Variants in PRDM16 observed in about 807,000 individuals in gnomAD.
The protein encoded by PRDM16 is PR/SET domain 16, also known as histone-lysine N-methyltransferase PRDM16.
PRDM16 carries 23 observed loss-of-function variants against 110.6 expected under a neutral mutation model. The observed-to-expected ratio is 0.21, with a 90% CI of 0.15 to 0.29. The LOEUF (loss-of-function observed/expected upper bound fraction) is 0.29, where lower values mean the gene tolerates loss of function less well. Among genes scored for constraint, PRDM16 ranks in the 10% least tolerant of loss-of-function variants. PRDM16 has a pLI of 1.00. For missense variants in PRDM16, 1,615 were observed against 1,794.3 expected (o/e 0.90, Z 1.81); for synonymous variants, 799 against 781.8 (o/e 1.02, Z -0.37).
intron 1 of PRDM16, among the ~76,000 whole-genome samples, chr1:3,141,087 G>A (rs1356907930): frequency 1.3e-5 from 2 of 152,076 alleles, no homozygotes; most frequent in African/African-American, 4.8e-5. Flanking sequence ...AGAACTCTGG[G>A]GGAAAACACT....
Position 3,137,800 on chromosome 1 carries a change from C to T in PRDM16, c.38-48325C>T, listed in dbSNP as rs1185564611. 4.6e-5 allele frequency among the ~76,000 whole-genome samples: 7 copies of T among 152,366 alleles called. No homozygotes were observed. In the East Asian group the frequency reaches 7.7e-4, roughly 17 times the overall value. On this transcript the variant is annotated intron_variant, in intron 1 of 16. Coordinates refer to ENST00000270722, the MANE Select transcript of PRDM16 (RefSeq NM_022114.4). ...GGAGCGCACTGCAAGCTGGAGGGGC[C>T]GCAGCACCTGCGGCTGGGACCTCGC...
intron 1 of PRDM16, among the ~76,000 whole-genome samples, chr1:3,185,557 C>T (rs1644257708): frequency 1.3e-5 from 2 of 152,166 alleles, no homozygotes; most frequent in South Asian, 4.1e-4. Flanking sequence ...GATGTCCAGG[C>T]TGCAGCCCAA....
Position 3,255,679 on chromosome 1 carries a change from A to G in PRDM16, c.438+11542A>G, listed in dbSNP as rs1640027628. ...TTGGTCCACCCTGGCGGTTGGGCCCAGTTTGTCCTGACTGCCTGCCCCCCT... is the reference window on the plus strand; with the variant it reads ...TTGGTCCACCCTGGCGGTTGGGCCCGGTTTGTCCTGACTGCCTGCCCCCCT... On this transcript the variant is annotated intron_variant, in intron 3 of 16. Coordinates refer to ENST00000270722, the MANE Select transcript of PRDM16 (RefSeq NM_022114.4). The surrounding 1 kb of genome is among the most constrained non-coding windows in gnomAD (Gnocchi z 4.7). Among the ~76,000 whole-genome samples the G allele has an allele frequency of 6.6e-6, 1 of 152,190 alleles. No homozygotes were observed. The highest frequency in any genetic ancestry group is 2.4e-5 in the African/African-American group (1 of 41,456).
At position 3,245,482 on chromosome 1, in the gene PRDM16, G is replaced by A. The variant is rs1032312097; in HGVS notation, c.438+1345G>A. Among the ~76,000 whole-genome samples the A allele has an allele frequency of 5.3e-5, 8 of 152,146 alleles. No individual in the cohort carries two copies. The highest frequency in any genetic ancestry group is 2.6e-4 in the Admixed American group (4 of 15,286). ...AATGGAGACTTTTGCTGGGCCCGCA[G>A]TGACCCGCTGAAGGGCCTCCGGAAA... On this transcript the variant is annotated intron_variant, in intron 3 of 16. Coordinates refer to ENST00000270722, the MANE Select transcript of PRDM16 (RefSeq NM_022114.4). The surrounding 1 kb of genome is among the most constrained non-coding windows in gnomAD (Gnocchi z 4.7).
chr1:3,185,702 C>T (rs1644259130), intron 1 of PRDM16, among the ~76,000 whole-genome samples: 1 of 152,228 alleles, frequency 6.6e-6, no homozygotes, highest in South Asian at 2.1e-4. Flanking sequence ...AATATTTCAC[C>T]ATCAGCCAGC....
At position 3,330,773 on chromosome 1, in the gene PRDM16, C is replaced by T. The variant is rs112890039; in HGVS notation, c.439-54379C>T. Among the ~76,000 whole-genome samples the T allele has an allele frequency of 4.0e-3, 604 of 152,302 alleles. 11 individuals carry two copies. Among genetic ancestry groups the T allele is most frequent in the African/African-American group, 0.014 (572 of 41,556 alleles). ...CACGACAGAGCCTCCTAAGCGAGGG[C>T]GAGTCAGACCCCAGAAACCTTGGAT... On this transcript the variant is annotated intron_variant, in intron 3 of 16. Transcript: ENST00000270722.
rs1324813484 is a variant in PRDM16, at chr1:3,436,658, G to A, written c.*2847G>A. 4.4e-6 allele frequency: 1 copy of A among 229,456 alleles called. No individual in the cohort carries two copies. Among genetic ancestry groups the A allele is most frequent in the Non-Finnish European group, 8.6e-6 (1 of 116,128 alleles). 14.2% of individuals were successfully genotyped at this position (229,456 alleles called of 1,614,324 possible). ...TCCCAGTTTTGCTCTGCCCAGCAGT[G>A]TTGGTGCCCAGAGATGACAAGGGCC... On this transcript the variant is annotated 3_prime_UTR_variant, in exon 17 of 17. Transcript: ENST00000270722.
intron 1 of PRDM16, among the ~76,000 whole-genome samples, chr1:3,162,350 C>T (rs762416808): frequency 1.3e-5 from 2 of 152,198 alleles, no homozygotes; most frequent in East Asian, 1.9e-4. Context: ...TCCCTCCTCC[C>T]GCAGCCGCGA....
rs974390700 is a variant in PRDM16, at chr1:3,246,681, G to A, written c.438+2544G>A. 3.3e-5 allele frequency among the ~76,000 whole-genome samples: 5 copies of A among 152,270 alleles called. No homozygotes were observed. Among genetic ancestry groups the A allele is most frequent in the South Asian group, 2.1e-4 (1 of 4,816 alleles). ...TCAACTCATAGTTTTTTCAGCCTCC[G>A]CAATAAACACCGTCAGCGTCTGGAG... On this transcript the variant is annotated intron_variant, in intron 3 of 16. Transcript: ENST00000270722. This position sits in a 1 kb window ranked among gnomAD's most constrained non-coding sequence, Gnocchi z 5.2.
At chr1:3,156,557 A>G (rs1343176841) in intron 1 of PRDM16, among the ~76,000 whole-genome samples, 2 of 152,198 alleles carry the variant, frequency 1.3e-5, no homozygotes, top group Admixed American at 6.5e-5. Flanking sequence ...TCCTCCTGGT[A>G]GAGGCAGGAG....
Position 3,147,560 on chromosome 1 carries a change from A to T in PRDM16, c.38-38565A>T, listed in dbSNP as rs190878344. ...GGATCTCCAGTGTCTGGAAACTATC[A>T]TCATTGCCCTGCATGGTCTTTGTGA... On this transcript the variant is annotated intron_variant, in intron 1 of 16. Coordinates refer to ENST00000270722, the MANE Select transcript of PRDM16 (RefSeq NM_022114.4). Among the ~76,000 whole-genome samples, 174 of 152,258 alleles carry T rather than the reference A, an allele frequency of 1.1e-3. 2 individuals are homozygous for T. The highest frequency in any genetic ancestry group is 1.2e-3 in the East Asian group (6 of 5,176).
chr1:3,267,763 C>T (rs1447263356), intron 3 of PRDM16, among the ~76,000 whole-genome samples: 2 of 152,216 alleles, frequency 1.3e-5, no homozygotes, highest in South Asian at 2.1e-4. Context: ...CCTCAGTGAG[C>T]CGCTTCTCCA....
intron 3 of PRDM16, among the ~76,000 whole-genome samples, chr1:3,380,578 C>T (rs957001644): frequency 2.0e-5 from 3 of 152,126 alleles, no homozygotes; most frequent in Non-Finnish European, 4.4e-5. Context: ...CCTCTGCACC[C>T]GAGAGGGTCG....
intron 3 of PRDM16, among the ~76,000 whole-genome samples, chr1:3,336,453 T>C (rs548777777): frequency 1.6e-4 from 25 of 152,030 alleles, no homozygotes; most frequent in African/African-American, 6.0e-4. Context: ...TGTGTTGGAG[T>C]GAGCCTGTGT....
rs1638281691 is a variant in PRDM16 at position 3,190,686 on chromosome 1, C to T, written c.387+4212C>T. On this transcript the variant is annotated intron_variant, in intron 2 of 16. Coordinates refer to ENST00000270722, the MANE Select transcript of PRDM16 (RefSeq NM_022114.4). This position sits in a 1 kb window ranked among gnomAD's most constrained non-coding sequence, Gnocchi z 5.0. ...CCTCCTCCATCTGGACACAGCCGGG[C>T]TCAGTCTCTTCCCAAATACCACGCC... 6.6e-6 allele frequency among the ~76,000 whole-genome samples: 1 copy of T among 152,200 alleles called. No homozygotes were observed. The highest frequency in any genetic ancestry group is 1.5e-5 in the Non-Finnish European group (1 of 68,038).
rs1557495708 is a variant in PRDM16 at position 3,165,457 on chromosome 1, T to TCACCAGGGCTCAGGCACAGG, written c.38-20668_38-20667insCACCAGGGCTCAGGCACAGG. 3.9e-3 allele frequency among the ~76,000 whole-genome samples: 140 copies of TCACCAGGGCTCAGGCACAGG among 35,678 alleles called. 33 individuals are homozygous for TCACCAGGGCTCAGGCACAGG. Among genetic ancestry groups the TCACCAGGGCTCAGGCACAGG allele is most frequent in the Admixed American group, 4.7e-3 (16 of 3,396 alleles). 23.4% of individuals were successfully genotyped at this position (35,678 alleles called of 152,430 possible). On this transcript the variant is annotated intron_variant, in intron 1 of 16. Coordinates refer to ENST00000270722, the MANE Select transcript of PRDM16 (RefSeq NM_022114.4). ...GTGACTCACCTGGGCTCAGGGACAG[T>TCACCAGGGCTCAGGCACAGG]GACTCACCTGGGCTCAGGGACAGTG... is the stretch of plus-strand genomic sequence containing the variant.
At chr1:3,076,019 T>C (rs1207816515) in intron 1 of PRDM16, among the ~76,000 whole-genome samples, 2 of 152,150 alleles carry the variant, frequency 1.3e-5, no homozygotes, top group Non-Finnish European at 2.9e-5. Flanking sequence ...CCACTTCAAA[T>C]GTGCAGAACC....
chr1:3,309,532 T>C (rs1350308971), intron 3 of PRDM16: 1 of 152,234 alleles, frequency 6.6e-6, no homozygotes, highest in African/African-American at 2.4e-5. Context: ...TCCTAACCTC[T>C]CTGTGCTCAT....
At chr1:3,430,434 CG>C (rs1181675735) in intron 14 of PRDM16, among the ~76,000 whole-genome samples, 1 of 152,222 alleles carries the variant, frequency 6.6e-6, no homozygotes, top group Non-Finnish European at 1.5e-5. Context: ...TCCCGGCTCT[CG>C]GGCCAGTGCC....
Sources: gnomAD v4.1 joint callset for allele counts (sites outside exome capture counted in the v4.1 genomes callset) on GRCh38, gnomAD v4.1.1 for gene constraint, Gnocchi (gnomAD v3.1) non-coding constraint, MANE v1.5 for transcripts, NCBI Gene and HGNC (gene_info 2026-07-23, HGNC 2026-07-21) for gene names.